The following EPHA6 variants were observed in gnomAD, a reference collection of about 807,000 sequenced individuals.
EPHA6 encodes the protein ephrin type-A receptor 6.
In EPHA6, 50 loss-of-function variants were observed where a neutral mutation model predicts 112.0. The ratio of observed to expected loss-of-function variants is 0.45; its 90% CI spans 0.36 to 0.56. EPHA6 has a LOEUF of 0.56. Ranked by LOEUF, EPHA6 falls within the 20% of genes least tolerant of loss-of-function variation. The probability of loss-of-function intolerance (pLI) is 0.00; values close to 1 mark genes in which losing one functional copy is unlikely to be tolerated. For missense variants in EPHA6, 1,280 were observed against 1,417.4 expected (o/e 0.90, Z 1.56); for synonymous variants, 529 against 490.7 (o/e 1.08, Z -1.03).
intron 5 of EPHA6, among the ~76,000 whole-genome samples, chr3:97,388,012 G>T (rs749361767): frequency 1.3e-5 from 2 of 152,126 alleles, no homozygotes; most frequent in Non-Finnish European, 2.9e-5. Flanking sequence ...GATCTCATGA[G>T]AACTCATGCA....
At chr3:96,923,844 ATATGGCTAG>A (rs386663585) in intron 2 of EPHA6, among the ~76,000 whole-genome samples, 3,472 of 152,274 alleles carry the variant, frequency 0.023, 138 homozygotes, top group African/African-American at 0.079. Flanking sequence ...AGTTTTCTGT[ATATGGCTAG>A]CCAGTTCCCC....
chr3:97,312,943 G>T lies in EPHA6; in HGVS notation c.1606+68656G>T, dbSNP rs979967512. 2.0e-5 allele frequency among the ~76,000 whole-genome samples: 3 copies of T among 151,226 alleles called. No homozygotes were observed. In the Admixed American group the frequency reaches 2.0e-4, roughly 10 times the overall value. The stretch of plus-strand genomic sequence containing the variant: ...AGAATATTAAAAATCTATTATTTTA[G>T]CAATGTTTACATATACATTATTATT... On this transcript the variant is annotated intron_variant, in intron 5 of 17. Coordinates refer to ENST00000389672, the MANE Select transcript of EPHA6 (RefSeq NM_001080448.3).
chr3:97,384,342 A>G lies in EPHA6; in HGVS notation c.1607-20808A>G, dbSNP rs188801129. 2.6e-5 allele frequency among the ~76,000 whole-genome samples: 4 copies of G among 152,304 alleles called. No individual in the cohort carries two copies. The East Asian group carries it at 7.7e-4, about 29-fold the overall frequency. On this transcript the variant is annotated intron_variant, in intron 5 of 17. Transcript: ENST00000389672. ...TGATGATAGTCTCATGACCAGTGAG[A>G]AGCAATGCTGGGATTCAGTTCCAAG...
intron 5 of EPHA6, among the ~76,000 whole-genome samples, chr3:97,325,288 A>C (rs2082364103): frequency 6.6e-6 from 1 of 152,170 alleles, no homozygotes; most frequent in African/African-American, 2.4e-5. Context: ...ATTCCAAGAT[A>C]GAGGTGTGAG....
intron 3 of EPHA6, among the ~76,000 whole-genome samples, chr3:97,036,136 A>T (rs950141476): frequency 6.6e-6 from 1 of 152,026 alleles, no homozygotes. Context: ...TGTGAAATAC[A>T]CATTTTTGTT....
intron 2 of EPHA6, among the ~76,000 whole-genome samples, chr3:96,904,626 C>T (rs917222649): frequency 6.6e-6 from 1 of 151,476 alleles, no homozygotes; most frequent in African/African-American, 2.4e-5. Flanking sequence ...AAAAACTCTT[C>T]ACAATAAATG....
chr3:97,150,457 C>G (rs1054830891), intron 3 of EPHA6, among the ~76,000 whole-genome samples: 2 of 152,034 alleles, frequency 1.3e-5, no homozygotes, highest in African/African-American at 4.8e-5. Context: ...TTTAGGCTAC[C>G]TTACCTTTTT....
chr3:97,242,282 TC>T (rs1475350133), intron 4 of EPHA6, among the ~76,000 whole-genome samples: 1 of 151,780 alleles, frequency 6.6e-6, no homozygotes, highest in Non-Finnish European at 1.5e-5. Context: ...TCATGCATTC[TC>T]CCTCTGCAGT....
chr3:96,979,063 CT>C (rs901108409), intron 2 of EPHA6, among the ~76,000 whole-genome samples: 23 of 150,952 alleles, frequency 1.5e-4, no homozygotes, highest in South Asian at 2.1e-4. Context: ...GAATATAATT[CT>C]TTTTTTTTAT....
In EPHA6 at chr3:97,045,447, G is replaced by A. The variant is rs183279479; in HGVS notation, c.1114+57454G>A. On this transcript the variant is annotated intron_variant, in intron 3 of 17. Coordinates refer to ENST00000389672, the MANE Select transcript of EPHA6 (RefSeq NM_001080448.3). ...ATCTGACATAGTCTTTTTATGAAGC[G>A]TACAAATCTCTAAACTGCTTTACTC... is the stretch of plus-strand genomic sequence containing the variant. Among the ~76,000 whole-genome samples the A allele has an allele frequency of 1.3e-4, 19 of 151,906 alleles. 1 individual carries two copies. The East Asian group carries it at 1.9e-3, about 15-fold the overall frequency.
intron 3 of EPHA6, among the ~76,000 whole-genome samples, chr3:97,029,403 A>T (rs1016008647): frequency 6.6e-6 from 1 of 151,958 alleles, no homozygotes; most frequent in African/African-American, 2.4e-5. Flanking sequence ...AAGATAAATG[A>T]GGAAAAGGCC....
At chr3:97,643,797 A>G (rs2094031951) in intron 14 of EPHA6, among the ~76,000 whole-genome samples, 1 of 151,328 alleles carries the variant, frequency 6.6e-6, no homozygotes, top group Admixed American at 6.6e-5. Flanking sequence ...GCAAGTCCTG[A>G]GTGACCTGCA....
intron 14 of EPHA6, among the ~76,000 whole-genome samples, chr3:97,644,517 A>T (rs2094040204): frequency 6.6e-6 from 1 of 152,126 alleles, no homozygotes; most frequent in Non-Finnish European, 1.5e-5. Flanking sequence ...TTTTGAAAGG[A>T]TCAACAAAAT....
intron 3 of EPHA6, among the ~76,000 whole-genome samples, chr3:97,187,680 AGAAAGAAG>A (rs1267175189): frequency 1.2e-3 from 159 of 129,852 alleles, no homozygotes; most frequent in African/African-American, 3.6e-3. Context: ...AGAAAGAGAA[AGAAAGAAG>A]GAAAGAAAGA....
intron 11 of EPHA6, among the ~76,000 whole-genome samples, chr3:97,546,264 T>C (rs1315179566): frequency 1.3e-5 from 2 of 152,222 alleles, no homozygotes; most frequent in Admixed American, 6.5e-5. Context: ...GGCCTGGTGG[T>C]GACAAAATCT....
At chr3:96,839,366 T>A (rs994361214) in intron 1 of EPHA6, among the ~76,000 whole-genome samples, 7 of 152,012 alleles carry the variant, frequency 4.6e-5, no homozygotes, top group African/African-American at 7.2e-5. Context: ...CGTATGAGAA[T>A]CCAACTAATG....
intron 13 of EPHA6, among the ~76,000 whole-genome samples, chr3:97,635,044 C>T (rs781261757): frequency 6.6e-6 from 1 of 151,632 alleles, no homozygotes; most frequent in Non-Finnish European, 1.5e-5. Context: ...AAGACTCCTG[C>T]AGTTTTACCC....
intron 3 of EPHA6, among the ~76,000 whole-genome samples, chr3:97,067,151 A>C (rs1357343684): frequency 6.6e-6 from 1 of 152,148 alleles, no homozygotes; most frequent in Admixed American, 6.6e-5. Flanking sequence ...CAAAGTGTTC[A>C]TAATTTAGTT....
chr3:97,348,097 A>G (rs1404004509), intron 5 of EPHA6, among the ~76,000 whole-genome samples: 4 of 152,060 alleles, frequency 2.6e-5, no homozygotes, highest in Admixed American at 2.6e-4. Flanking sequence ...CATGCTTTCT[A>G]TGCTAACATT....
Sources: gnomAD v4.1 joint callset for allele counts (sites outside exome capture counted in the v4.1 genomes callset) on GRCh38, gnomAD v4.1.1 for gene constraint, MANE v1.5 for transcripts, NCBI Gene and HGNC (gene_info 2026-07-23, HGNC 2026-07-21) for gene names.